Variants in ZBTB8A observed in about 807,000 individuals in gnomAD.
ZBTB8A encodes the protein zinc finger and BTB domain containing 8A, also known as zinc finger and BTB domain-containing protein 8A.
A neutral mutation model predicts 37.8 loss-of-function variants in ZBTB8A; 19 were observed. That is an observed-to-expected ratio of 0.50 (90% CI 0.35 to 0.74). The LOEUF (loss-of-function observed/expected upper bound fraction) is 0.74. Ranked by LOEUF, ZBTB8A falls within the 30% of genes least tolerant of loss-of-function variation. The pLI is 0.01. For missense variants in ZBTB8A, 394 were observed against 537.8 expected (o/e 0.73, Z 2.65); for synonymous variants, 181 against 185.2 (o/e 0.98, Z 0.19).
intron 2 of ZBTB8A, among the ~76,000 whole-genome samples, chr1:32,554,920 TC>T (rs930016987): frequency 5.9e-5 from 9 of 152,212 alleles, no homozygotes; most frequent in Non-Finnish European, 1.0e-4. Flanking sequence ...TCTAGATCAG[TC>T]CTTTTAATTT....
At chr1:32,566,183 C>T (rs1268985946) in intron 2 of ZBTB8A, among the ~76,000 whole-genome samples, 1 of 132,838 alleles carries the variant, frequency 7.5e-6, no homozygotes, top group Non-Finnish European at 1.6e-5. Context: ...GCCTGGGCGA[C>T]AGAGCAAGAC....
intron 2 of ZBTB8A, among the ~76,000 whole-genome samples, chr1:32,584,066 G>A (rs1024908770): frequency 1.3e-5 from 2 of 151,988 alleles, no homozygotes; most frequent in Non-Finnish European, 2.9e-5. Context: ...CCAAGGAGGA[G>A]AGAATACTTT....
At chr1:32,596,230 C>T (rs568159501) in intron 4 of ZBTB8A, among the ~76,000 whole-genome samples, 3 of 152,026 alleles carry the variant, frequency 2.0e-5, no homozygotes, top group South Asian at 4.2e-4. Flanking sequence ...ATTAGCCAGG[C>T]GTGGTGGCGG....
chr1:32,568,191 C>T (rs9645309), intron 2 of ZBTB8A, among the ~76,000 whole-genome samples: 8,676 of 152,098 alleles, frequency 0.057, 347 homozygotes, highest in Non-Finnish European at 0.09. Context: ...AAAATGCCCC[C>T]ATTGTAAATG....
At chr1:32,543,379 C>G (rs1393161313) in intron 1 of ZBTB8A, among the ~76,000 whole-genome samples, 2 of 152,170 alleles carry the variant, frequency 1.3e-5, no homozygotes, top group Admixed American at 1.3e-4. Context: ...GCCACTGCGC[C>G]TGGCCTGAGA....
At chr1:32,596,601 A>G (rs1644534063) in intron 4 of ZBTB8A, among the ~76,000 whole-genome samples, 2 of 152,106 alleles carry the variant, frequency 1.3e-5, no homozygotes, top group African/African-American at 4.8e-5. Flanking sequence ...CAAACAAAAA[A>G]AATACATTTA....
chr1:32,595,907 C>T (rs1433065410), intron 4 of ZBTB8A, among the ~76,000 whole-genome samples: 2 of 152,118 alleles, frequency 1.3e-5, no homozygotes, highest in African/African-American at 4.8e-5. Context: ...ATCCACCTGC[C>T]TCAGCCTCCC....
At chr1:32,543,120 G>C (rs1272188277) in intron 1 of ZBTB8A, among the ~76,000 whole-genome samples, 1 of 151,648 alleles carries the variant, frequency 6.6e-6, no homozygotes, top group Non-Finnish European at 1.5e-5. Flanking sequence ...TTTCACTCTT[G>C]TTGCCCAGGC....
chr1:32,594,150 C>T (rs919777458), intron 3 of ZBTB8A, among the ~76,000 whole-genome samples: 4 of 149,776 alleles, frequency 2.7e-5, no homozygotes, highest in East Asian at 2.0e-4. Flanking sequence ...GCTGAGATTA[C>T]ACCACTGCAC....
intron 2 of ZBTB8A, among the ~76,000 whole-genome samples, chr1:32,582,764 T>C (rs1048910261): frequency 1.3e-5 from 2 of 152,194 alleles, no homozygotes; most frequent in Non-Finnish European, 2.9e-5. Flanking sequence ...ATATTATGTC[T>C]CTGTTAGCAC....
intron 1 of ZBTB8A, among the ~76,000 whole-genome samples, chr1:32,550,978 A>G (rs1436918744): frequency 1.3e-5 from 2 of 150,270 alleles, no homozygotes; most frequent in African/African-American, 4.9e-5. Context: ...AAAAAAAGCC[A>G]CAAATTACCA....
At chr1:32,576,402 A>T (rs572831405) in intron 2 of ZBTB8A, among the ~76,000 whole-genome samples, 14 of 152,138 alleles carry the variant, frequency 9.2e-5, no homozygotes, top group African/African-American at 2.9e-4. Context: ...AGACTATTTG[A>T]TATTGTTCCA....
intron 2 of ZBTB8A, among the ~76,000 whole-genome samples, chr1:32,585,407 T>C (rs1644440377): frequency 6.6e-6 from 1 of 152,018 alleles, no homozygotes; most frequent in Non-Finnish European, 1.5e-5. Context: ...ATGAATAGTA[T>C]GCCTATAAAC....
chr1:32,591,367 C>T (rs1327863380), intron 2 of ZBTB8A, among the ~76,000 whole-genome samples: 2 of 151,184 alleles, frequency 1.3e-5, no homozygotes, highest in Middle Eastern at 3.2e-3. Flanking sequence ...TTCTCCATCA[C>T]ACCTGGCTAA....
intron 2 of ZBTB8A, among the ~76,000 whole-genome samples, chr1:32,581,799 C>T (rs562129965): frequency 1.3e-5 from 2 of 152,056 alleles, no homozygotes; most frequent in South Asian, 4.1e-4. Context: ...ACAATCATGG[C>T]AGAAGGTGAA....
chr1:32,578,030 A>C (rs556736182), intron 2 of ZBTB8A, among the ~76,000 whole-genome samples: 2 of 151,854 alleles, frequency 1.3e-5, no homozygotes, highest in Admixed American at 6.6e-5. Flanking sequence ...CAGCCTCCCC[A>C]GCAGCTGGGA....
intron 2 of ZBTB8A, among the ~76,000 whole-genome samples, chr1:32,589,201 A>G (rs1313214962): frequency 6.6e-6 from 1 of 152,072 alleles, no homozygotes; most frequent in Non-Finnish European, 1.5e-5. Flanking sequence ...TGTTTTTGAG[A>G]CAGAGTCTTG....
In ZBTB8A at chr1:32,600,262, C is replaced by G. The variant is rs1207767908; in HGVS notation, c.1169C>G (p.Pro390Arg). The G allele has an allele frequency of 6.2e-7, 1 of 1,614,134 alleles. No homozygotes were observed. The change falls in exon 5 of 5, where the codon CCA (proline) becomes CGA (arginine). Residue 390 changes from proline to arginine, a missense_variant. Pro to Arg is a moderately radical substitution (Grantham distance 103). Around this residue, in one of 4 missense-constraint regions of ZBTB8A, gnomAD observed 85 missense variants for 89.0 expected, o/e 0.95. Transcript: ENST00000373510. ...DLEAEQHLMSPSDGDKDSRWH... is the reference protein window; with the variant it reads ...DLEAEQHLMSRSDGDKDSRWH... ...GAAGCTGAACAACATCTTATGTCCC[C>G]ATCAGATGGAGATAAGGATTCCAGA...
At chr1:32,580,607 G>T (rs1354034842) in intron 2 of ZBTB8A, among the ~76,000 whole-genome samples, 1 of 151,972 alleles carries the variant, frequency 6.6e-6, no homozygotes, top group Non-Finnish European at 1.5e-5. Flanking sequence ...AAAGGGCACT[G>T]TCCTATGGTG....
Sources: allele counts gnomAD v4.1 joint callset (sites outside exome capture counted in the v4.1 genomes callset), GRCh38; gene constraint gnomAD v4.1.1; regional missense constraint gnomAD v4.1.1; transcripts MANE v1.5; gene names NCBI Gene and HGNC (gene_info 2026-07-23, HGNC 2026-07-21).